TNR: variants seen among roughly 807,000 people sequenced by gnomAD.
TNR encodes the protein tenascin-R.
In TNR, 45 loss-of-function variants were observed where a neutral mutation model predicts 150.4. The ratio of observed to expected loss-of-function variants is 0.30; its 90% CI spans 0.24 to 0.38. The LOEUF (loss-of-function observed/expected upper bound fraction) is 0.38, where lower values mean the gene tolerates loss of function less well. Ranked by LOEUF, TNR falls within the 10% of genes least tolerant of loss-of-function variation. The pLI is 1.00. For synonymous variants in TNR, 687 were observed against 678.4 expected (o/e 1.01, Z -0.20); for missense variants, 1,544 against 1,759.1 (o/e 0.88, Z 2.19).
intron 2 of TNR, among the ~76,000 whole-genome samples, chr1:175,447,015 G>T (rs950199671): frequency 6.6e-6 from 1 of 152,178 alleles, no homozygotes; most frequent in Non-Finnish European, 1.5e-5. Context: ...TTACATATAT[G>T]TGTGGTATGT....
chr1:175,583,409 G>A (rs1662441013), intron 1 of TNR, among the ~76,000 whole-genome samples: 1 of 152,200 alleles, frequency 6.6e-6, no homozygotes, highest in Admixed American at 6.5e-5. Context: ...TGCAAGAATT[G>A]CGAGACACCC....
chr1:175,740,511 G>A (rs545418842), intron 1 of TNR, among the ~76,000 whole-genome samples: 18 of 152,034 alleles, frequency 1.2e-4, no homozygotes, highest in Non-Finnish European at 2.4e-4. Flanking sequence ...GGGCAGAACA[G>A]CTGACCTCCT....
At chr1:175,410,089 G>A (rs1654140997) in intron 2 of TNR, among the ~76,000 whole-genome samples, 1 of 152,212 alleles carries the variant, frequency 6.6e-6, no homozygotes, top group African/African-American at 2.4e-5. Flanking sequence ...GCTGACAGCT[G>A]AGAGGACACC....
chr1:175,622,248 AT>A (rs1282089149), intron 1 of TNR, among the ~76,000 whole-genome samples: 6 of 152,200 alleles, frequency 3.9e-5, no homozygotes, highest in Admixed American at 3.9e-4. Context: ...ACAGGCCCTC[AT>A]TTCCTATTGA....
At chr1:175,727,790 G>A (rs549886564) in intron 1 of TNR, among the ~76,000 whole-genome samples, 47 of 152,264 alleles carry the variant, frequency 3.1e-4, no homozygotes, top group Non-Finnish European at 2.1e-4. Flanking sequence ...ACAACAAGAG[G>A]TATGGGGTAG....
chr1:175,611,832 A>G (rs981521542), intron 1 of TNR, among the ~76,000 whole-genome samples: 2 of 152,246 alleles, frequency 1.3e-5, no homozygotes, highest in African/African-American at 2.4e-5. Flanking sequence ...AAACAGACCT[A>G]TAAAGTAATA....
chr1:175,481,533 G>A (rs969079784), intron 2 of TNR, among the ~76,000 whole-genome samples: 1 of 152,038 alleles, frequency 6.6e-6, no homozygotes, highest in African/African-American at 2.4e-5. Flanking sequence ...TTCCCAGCCC[G>A]TGGATGGCCA....
chr1:175,692,434 C>T (rs928870813), intron 1 of TNR, among the ~76,000 whole-genome samples: 1 of 152,242 alleles, frequency 6.6e-6, no homozygotes, highest in African/African-American at 2.4e-5. Flanking sequence ...GGCATCTGCC[C>T]TAGCGATGGT....
chr1:175,571,215 T>A (rs1661854097), intron 1 of TNR, among the ~76,000 whole-genome samples: 1 of 152,202 alleles, frequency 6.6e-6, no homozygotes, highest in Admixed American at 6.5e-5. Flanking sequence ...ACCTTTAGAA[T>A]GTTCACTTTG....
chr1:175,417,560 G>GT (rs1654553366), intron 2 of TNR, among the ~76,000 whole-genome samples: 1 of 152,120 alleles, frequency 6.6e-6, no homozygotes, highest in Non-Finnish European at 1.5e-5. Flanking sequence ...ATCAAGCTCT[G>GT]GAAACACTAC....
chr1:175,341,283 T>C (rs1259395285), intron 18 of TNR, among the ~76,000 whole-genome samples: 4 of 152,232 alleles, frequency 2.6e-5, no homozygotes, highest in Non-Finnish European at 5.9e-5. Context: ...AGAGCAAAAC[T>C]GGAAGGTTTT....
chr1:175,695,411 C>G (rs2861558), intron 1 of TNR, among the ~76,000 whole-genome samples: 1 of 152,188 alleles, frequency 6.6e-6, no homozygotes. Flanking sequence ...AACTGCACAG[C>G]TAAGCTGCTC....
chr1:175,591,402 C>G (rs1558025785), intron 1 of TNR, among the ~76,000 whole-genome samples: 1 of 152,222 alleles, frequency 6.6e-6, no homozygotes, highest in Non-Finnish European at 1.5e-5. Context: ...ACTTCAAACC[C>G]TGTGGAAACT....
intron 7 of TNR, among the ~76,000 whole-genome samples, chr1:175,388,490 G>A (rs1395640209): frequency 2.0e-5 from 3 of 152,216 alleles, no homozygotes; most frequent in East Asian, 3.8e-4. Context: ...TCGCAGTAGG[G>A]GGTTGGTGTA....
At chr1:175,377,101 C>T (rs563837119) in intron 9 of TNR, among the ~76,000 whole-genome samples, 2 of 152,048 alleles carry the variant, frequency 1.3e-5, no homozygotes, top group South Asian at 4.1e-4. Context: ...CCCTTGCTAG[C>T]CTTGTGAACT....
intron 1 of TNR, among the ~76,000 whole-genome samples, chr1:175,710,064 A>G (rs1666965111): frequency 6.6e-6 from 1 of 152,090 alleles, no homozygotes; most frequent in Non-Finnish European, 1.5e-5. Context: ...TTCGACTTGC[A>G]TTATTCGAGG....
At chr1:175,612,980 C>A (rs1374181372) in intron 1 of TNR, among the ~76,000 whole-genome samples, 1 of 152,180 alleles carries the variant, frequency 6.6e-6, no homozygotes, top group East Asian at 1.9e-4. Context: ...ATGGTTTCAA[C>A]ACAGCACCTG....
intron 1 of TNR, among the ~76,000 whole-genome samples, chr1:175,538,103 G>A (rs1660364780): frequency 6.6e-6 from 1 of 152,178 alleles, no homozygotes; most frequent in African/African-American, 2.4e-5. Context: ...ATAGGAGCAG[G>A]CCAAGATGTC....
intron 1 of TNR, among the ~76,000 whole-genome samples, chr1:175,652,661 G>T (rs1220975312): frequency 6.6e-6 from 1 of 152,072 alleles, no homozygotes; most frequent in Non-Finnish European, 1.5e-5. Context: ...TCTCCCTCCT[G>T]CTCTGCCATG....
Sources: allele counts gnomAD v4.1 joint callset (sites outside exome capture counted in the v4.1 genomes callset), GRCh38; gene constraint gnomAD v4.1.1; transcripts MANE v1.5; gene names NCBI Gene and HGNC (gene_info 2026-07-23, HGNC 2026-07-21).